The following ELMO1 variants were observed in gnomAD, a reference collection of about 807,000 sequenced individuals.
ELMO1 encodes the protein engulfment and cell motility 1.
In ELMO1, 26 loss-of-function variants were observed where a neutral mutation model predicts 98.9. The ratio of observed to expected loss-of-function variants is 0.26; its 90% confidence interval spans 0.19 to 0.36. ELMO1 has a LOEUF of 0.36. Among genes scored for constraint, ELMO1 ranks in the 10% least tolerant of loss-of-function variants. ELMO1 has a pLI of 1.00. For synonymous variants in ELMO1, 346 were observed against 346.0 expected (o/e 1.00, Z 0.00); for missense variants, 627 against 935.2 (o/e 0.67, Z 4.30).
chr7:36,891,226 G>T (rs1805520505), intron 17 of ELMO1, among the ~76,000 whole-genome samples: 1 of 152,132 alleles, frequency 6.6e-6, no homozygotes, highest in Admixed American at 6.5e-5. Context: ...TCACTGTAGG[G>T]GTAAGAAATA....
intron 15 of ELMO1, among the ~76,000 whole-genome samples, chr7:37,072,580 T>C (rs1237792162): frequency 1.3e-5 from 2 of 152,224 alleles, no homozygotes; most frequent in Non-Finnish European, 2.9e-5. Flanking sequence ...TCTATTTTAA[T>C]ATCTTTAAAG....
At chr7:37,130,049 C>T (rs1310457395) in intron 14 of ELMO1, among the ~76,000 whole-genome samples, 1 of 152,170 alleles carries the variant, frequency 6.6e-6, no homozygotes, top group Non-Finnish European at 1.5e-5. Flanking sequence ...TACTATTCAA[C>T]AGTTCTGAGC....
intron 1 of ELMO1, chr7:37,375,399 GC>G (rs1229196361): frequency 8.4e-6 from 5 of 595,638 alleles, no homozygotes; most frequent in Non-Finnish European, 1.2e-5. Context: ...CAGAATTCAG[GC>G]CCCTCCCATA....
In ELMO1 at chr7:36,975,618, G is replaced by A. The variant is rs193153054; in HGVS notation, c.1437+37681C>T. The stretch of plus-strand genomic sequence containing the variant: ...TCCCAGCACTTTGGGAGGCCGAGGC[G>A]GGTGGATCACCTGAGGTTAGGAGTT... On this transcript the variant is annotated intron_variant, in intron 16 of 21. Coordinates refer to ENST00000310758, the MANE Select transcript of ELMO1 (RefSeq NM_014800.11). 1.8e-3 allele frequency among the ~76,000 whole-genome samples: 279 copies of A among 152,114 alleles called. 1 individual carries two copies. In the East Asian group the frequency reaches 0.025, roughly 14 times the overall value.
At chr7:36,859,069 G>A (rs979722548) in intron 21 of ELMO1, among the ~76,000 whole-genome samples, 2 of 151,860 alleles carry the variant, frequency 1.3e-5, no homozygotes, top group African/African-American at 4.8e-5. Flanking sequence ...AAATTTCAAG[G>A]AAAAAAGGCA....
chr7:37,084,587 A>AC lies in ELMO1; in HGVS notation c.1300+12031dup, dbSNP rs1783661094. On this transcript the variant is annotated intron_variant, in intron 15 of 21. Coordinates refer to ENST00000310758, the MANE Select transcript of ELMO1 (RefSeq NM_014800.11). ...ATTCACTCCATCTAATACCTGCATC[A>AC]CCTCAGTCTACTTAACCTCTCCCTT... Among the ~76,000 whole-genome samples the AC allele has an allele frequency of 4.6e-5, 7 of 152,116 alleles. No individual in the cohort carries two copies. In the South Asian group the frequency reaches 6.2e-4, roughly 14 times the overall value.
At chr7:37,182,462 CTTTTTTT>C (rs59657539) in intron 13 of ELMO1, among the ~76,000 whole-genome samples, 2 of 14,704 alleles carry the variant, frequency 1.4e-4, no homozygotes, top group Non-Finnish European at 4.6e-4. Context: ...TTGTGCTCTA[CTTTTTTT>C]TTTTTTTTTT....
intron 1 of ELMO1, among the ~76,000 whole-genome samples, chr7:37,389,671 C>T: frequency 6.6e-6 from 1 of 152,140 alleles, no homozygotes; most frequent in East Asian, 1.9e-4. Flanking sequence ...AGTAGGGAGA[C>T]ACAGGACTCT....
intron 19 of ELMO1, among the ~76,000 whole-genome samples, chr7:36,875,666 C>A (rs900275743): frequency 2.5e-4 from 38 of 152,214 alleles, no homozygotes; most frequent in Admixed American, 1.1e-3. Flanking sequence ...CTGCACTCAC[C>A]CTGGCAAGCT....
chr7:37,395,769 T>C (rs1803273181), intron 1 of ELMO1, among the ~76,000 whole-genome samples: 1 of 151,726 alleles, frequency 6.6e-6, no homozygotes, highest in East Asian at 1.9e-4. Context: ...TTTAAACCAC[T>C]TCTCTATATA....
chr7:37,341,221 C>A (rs762807609), intron 2 of ELMO1, among the ~76,000 whole-genome samples: 1 of 152,164 alleles, frequency 6.6e-6, no homozygotes, highest in African/African-American at 2.4e-5. Context: ...CATGCCACTG[C>A]GGGGCATTCA....
intron 15 of ELMO1, among the ~76,000 whole-genome samples, chr7:37,095,158 C>G (rs1457100737): frequency 1.3e-5 from 2 of 152,178 alleles, no homozygotes; most frequent in Non-Finnish European, 2.9e-5. Flanking sequence ...AAACACCTGC[C>G]TGGTAGAACA....
At chr7:37,203,040 C>T (rs1215278065) in intron 13 of ELMO1, among the ~76,000 whole-genome samples, 1 of 152,172 alleles carries the variant, frequency 6.6e-6, no homozygotes, top group Non-Finnish European at 1.5e-5. Flanking sequence ...CCACAACGGT[C>T]CCTGGACCCT....
intron 4 of ELMO1, among the ~76,000 whole-genome samples, chr7:37,278,903 T>C (rs1369589426): frequency 6.6e-6 from 1 of 152,134 alleles, no homozygotes; most frequent in East Asian, 1.9e-4. Context: ...TCAAATGACG[T>C]ATGAGAGTGT....
chr7:37,351,173 C>T (rs1015464938), intron 1 of ELMO1: 10 of 152,156 alleles, frequency 6.6e-5, no homozygotes, highest in African/African-American at 2.4e-4. Flanking sequence ...TATACTAAAA[C>T]TGGAACAATA....
At chr7:37,123,593 G>A (rs144114183) in intron 14 of ELMO1, among the ~76,000 whole-genome samples, 3,856 of 152,192 alleles carry the variant, frequency 0.025, 156 homozygotes, top group African/African-American at 0.087. Context: ...CCAGGAAGAC[G>A]TTGAATCTCT....
chr7:37,237,641 G>A (rs1364694220), intron 7 of ELMO1, among the ~76,000 whole-genome samples: 4 of 152,210 alleles, frequency 2.6e-5, no homozygotes, highest in African/African-American at 2.4e-5. Context: ...TTAAAGCTAT[G>A]ATAAATTGTA....
At chr7:37,448,311 TC>T in intron 1 of ELMO1, among the ~76,000 whole-genome samples, 1 of 12,092 alleles carries the variant, frequency 8.3e-5, no homozygotes, top group East Asian at 1.3e-3. Context: ...GCGCCCCCCC[TC>T]CCGCAGACCC....
chr7:36,913,281 G>T (rs1784461040), intron 16 of ELMO1, among the ~76,000 whole-genome samples: 1 of 152,180 alleles, frequency 6.6e-6, no homozygotes, highest in African/African-American at 2.4e-5. Flanking sequence ...ATCTGTTTGG[G>T]GACCCTGTTG....
Sources: allele counts gnomAD v4.1 joint callset (sites outside exome capture counted in the v4.1 genomes callset), GRCh38; gene constraint gnomAD v4.1.1; transcripts MANE v1.5; gene names NCBI Gene and HGNC (gene_info 2026-07-23, HGNC 2026-07-21).